STRN4: variants seen among roughly 807,000 people sequenced by gnomAD.
STRN4 encodes striatin-4.
A neutral mutation model predicts 77.9 loss-of-function variants in STRN4; 27 were observed. The ratio of observed to expected loss-of-function variants is 0.35; its 90% CI spans 0.26 to 0.48. The LOEUF is 0.48. Among genes scored for constraint, STRN4 ranks in the 20% least tolerant of loss-of-function variants. The probability of loss-of-function intolerance (pLI) is 0.99; values close to 1 mark genes in which losing one functional copy is unlikely to be tolerated. For synonymous variants in STRN4, 466 were observed against 443.1 expected, an observed-to-expected ratio of 1.05 and a Z score of -0.65; for missense variants, 798 against 1,049.7, an observed-to-expected ratio of 0.76 and a Z score of 3.31.
At position 46,734,758 on chromosome 19, in the gene STRN4, G is replaced by A. The variant is rs531240906; in HGVS notation, c.540-1522C>T. Among the ~76,000 whole-genome samples the A allele has an allele frequency of 1.8e-4, 27 of 152,174 alleles. No individual in the cohort carries two copies. In the South Asian group the frequency reaches 3.9e-3, roughly 22 times the overall value. Reference sequence around the variant, plus strand: ...CGGCTCACTGCAAGCTCCGTCTCCCGGGTTCACGCCATTCTCCTGCCTCAG... The same window carrying A: ...CGGCTCACTGCAAGCTCCGTCTCCCAGGTTCACGCCATTCTCCTGCCTCAG... On this transcript the variant is annotated intron_variant, in intron 4 of 17. Coordinates refer to ENST00000263280, the MANE Select transcript of STRN4 (RefSeq NM_013403.3).
chr19:46,724,949 G>C lies in STRN4; in HGVS notation c.1473-21C>G, dbSNP rs377432457. ...GGCCCCTGGAAGGGACAAATATGTG[G>C]AAAGGGGGATGAGACAAGCTCAGGG... On this transcript the variant is annotated intron_variant, in intron 11 of 17. Transcript: ENST00000263280. The C allele has an allele frequency of 5.0e-6, 8 of 1,613,506 alleles. No homozygotes were observed. In the African/African-American group the frequency reaches 6.7e-5, roughly 13 times the overall value.
chr19:46,721,025 T>C (rs1444476981), intron 16 of STRN4: 3 of 386,066 alleles, frequency 7.8e-6, no homozygotes, highest in African/African-American at 2.1e-5. Context: ...GCAGGGGCAG[T>C]GAACAAAACA....
At position 46,733,396 on chromosome 19, in the gene STRN4, C is replaced by A. The variant is rs528420431; in HGVS notation, c.540-160G>T. On this transcript the variant is annotated intron_variant, in intron 4 of 17. Transcript: ENST00000263280. This position sits in a 1 kb window ranked among gnomAD's most constrained non-coding sequence, Gnocchi z 4.3. ...TCGCTCCAGCAGTTCCCCGTCAAGG[C>A]TATTTCCAGTGGAAGCCCTTGTACA... 68 of 665,898 alleles carry A rather than the reference C, an allele frequency of 1.0e-4. 3 individuals are homozygous for A. Among genetic ancestry groups the A allele is most frequent in the South Asian group, 6.0e-4 (33 of 55,314 alleles). 41.2% of individuals were successfully genotyped at this position (665,898 alleles called of 1,614,324 possible). A position where few individuals can be genotyped will look rare whatever the true frequency, so the allele number is the denominator to read the frequency against.
At chr19:46,740,734 AGAG>A (rs1053654550) in intron 1 of STRN4, among the ~76,000 whole-genome samples, 1 of 152,154 alleles carries the variant, frequency 6.6e-6, no homozygotes, top group Non-Finnish European at 1.5e-5. Context: ...GGGGAATAAC[AGAG>A]GAGCCATGTG....
chr19:46,746,038 C>CA (rs1568409985), intron 1 of STRN4, 111 bp downstream of exon 1: 2 of 1,198,422 alleles, frequency 1.7e-6, no homozygotes, highest in Admixed American at 4.5e-5. Context: ...CCCGCCCCCC[C>CA]GCCGGCCGTC....
At chr19:46,728,999 T>G in intron 6 of STRN4, 4 of 540,254 alleles carry the variant, frequency 7.4e-6, no homozygotes, top group Non-Finnish European at 9.8e-6. Context: ...GTCCTTCCCC[T>G]AGCCAGGGCT....
chr19:46,734,806 A>C (rs1356979596), intron 4 of STRN4, among the ~76,000 whole-genome samples: 1 of 152,032 alleles, frequency 6.6e-6, no homozygotes. Context: ...CTGGGACTAC[A>C]GGCACCCGCC....
rs745746885 is a variant in STRN4 at position 46,724,920 on chromosome 19, A to G, written c.1481T>C (p.Val494Ala). Reference protein sequence around the residue: ...IHAFRAHRGPVLAVAMGSNSE... With the variant: ...IHAFRAHRGPALAVAMGSNSE... The stretch of plus-strand genomic sequence containing the variant: ...GTTGCTGCCCATAGCCACAGCCAAC[A>G]CTGGGCCCCTGGAAGGGACAAATAT... Residue 494 changes from valine (V) to alanine (A), a missense_variant, in exon 12 of 18, where the codon GTG (valine) becomes GCG (alanine). Physicochemically the swap from Val to Ala is moderately conservative, Grantham distance 64. Coordinates refer to ENST00000263280, the MANE Select transcript of STRN4 (RefSeq NM_013403.3). 2 of 1,614,000 alleles carry G rather than the reference A, an allele frequency of 1.2e-6. No individual in the cohort carries two copies. The highest frequency in any genetic ancestry group is 1.7e-6 in the Non-Finnish European group (2 of 1,180,030).
intron 4 of STRN4, 61 bp downstream of exon 4, chr19:46,736,762 G>C: frequency 6.5e-7 from 1 of 1,538,788 alleles, no homozygotes; most frequent in Non-Finnish European, 9.0e-7. Context: ...GGAGTCTTTG[G>C]ACTTATCTCT....
intron 4 of STRN4, among the ~76,000 whole-genome samples, chr19:46,735,821 A>G (rs1031163872): frequency 8.6e-5 from 13 of 150,686 alleles, no homozygotes; most frequent in Admixed American, 3.3e-4. Flanking sequence ...AAAATTAGCT[A>G]GGCATGGTGG....
rs1275361091 is a variant in STRN4, at chr19:46,738,068, G to C, written c.460+96C>G. 7.8e-7 allele frequency: 1 copy of C among 1,288,264 alleles called. No individual in the cohort carries two copies. Among genetic ancestry groups the C allele is most frequent in the Non-Finnish European group, 1.1e-6 (1 of 884,134 alleles). The allele number at this position is 1,288,264 out of a possible 1,614,324, so 79.8% of individuals were successfully genotyped here. On this transcript the variant is annotated intron_variant, in intron 3 of 17. Coordinates refer to ENST00000263280, the MANE Select transcript of STRN4 (RefSeq NM_013403.3). The surrounding 1 kb of genome is among the most constrained non-coding windows in gnomAD (Gnocchi z 4.5). Reference sequence around the variant, plus strand: ...CGGGGCCGATTCTGCCTTCTAAGGAGCAAAGTGAGAAAGAGGCACCCCATC... The same window carrying C: ...CGGGGCCGATTCTGCCTTCTAAGGACCAAAGTGAGAAAGAGGCACCCCATC...
chr19:46,736,788 A>G, intron 4 of STRN4, 35 bp downstream of exon 4: 2 of 1,604,620 alleles, frequency 1.2e-6, no homozygotes, highest in Non-Finnish European at 1.7e-6. Context: ...CAAACGTGTC[A>G]CGTGTCCCCA....
At chr19:46,739,293 C>T (rs2054431230) in intron 1 of STRN4, 2 of 229,700 alleles carry the variant, frequency 8.7e-6, no homozygotes, top group South Asian at 6.4e-5. Context: ...GTGGAGGTGG[C>T]GTCCCACTAT....
rs544389399 is a variant in STRN4, at chr19:46,733,184, G to A, written c.592C>T (p.Arg198Cys). 5.6e-6 allele frequency: 9 copies of A among 1,611,252 alleles called. No individual in the cohort carries two copies. The highest frequency in any genetic ancestry group is 3.3e-5 in the Admixed American group (2 of 60,022). ...TDTILDMRSK[R>C]VRSLLGRSLE... is the part of the protein sequence containing the mutation. ...GAGCGGCCCAGCAGGGAACGGACGCGCTTGGACCGCATGTCGAGGATGGTG... is the reference window on the plus strand; with the variant it reads ...GAGCGGCCCAGCAGGGAACGGACGCACTTGGACCGCATGTCGAGGATGGTG... The change falls in exon 5 of 18, where the codon CGC (arginine) becomes TGC (cysteine). Residue 198 changes from arginine (R) to cysteine (C), a missense_variant. Arg to Cys is a radical substitution (Grantham distance 180). Coordinates refer to ENST00000263280, the MANE Select transcript of STRN4 (RefSeq NM_013403.3). This position sits in a 1 kb window ranked among gnomAD's most constrained non-coding sequence, Gnocchi z 4.3.
intron 16 of STRN4, 152 bp from the exon 17 acceptor site, chr19:46,720,923 G>T: frequency 1.2e-6 from 1 of 845,680 alleles, no homozygotes; most frequent in Non-Finnish European, 1.7e-6. Context: ...CCTGTGGCCC[G>T]CCCAAAGGAG....
intron 6 of STRN4, among the ~76,000 whole-genome samples, chr19:46,730,246 G>A (rs547354945): frequency 6.6e-6 from 1 of 152,306 alleles, no homozygotes; most frequent in South Asian, 2.1e-4. Context: ...CCACACTGGG[G>A]ATACTGGAGA....
chr19:46,726,966 C>T (rs1423971131), intron 9 of STRN4, among the ~76,000 whole-genome samples: 2 of 152,170 alleles, frequency 1.3e-5, no homozygotes, highest in Non-Finnish European at 2.9e-5. Context: ...CAGCAGTCCC[C>T]ACCCAGCCTT....
chr19:46,740,817 C>T (rs2054460232), intron 1 of STRN4, among the ~76,000 whole-genome samples: 1 of 152,096 alleles, frequency 6.6e-6, no homozygotes, highest in Non-Finnish European at 1.5e-5. Context: ...TGCAATGTGA[C>T]TAGGACCCCA....
chr19:46,746,256 C>T lies in STRN4; in HGVS notation c.175G>A (p.Gly59Ser). 1 of 1,494,694 alleles carries T rather than the reference C, an allele frequency of 6.7e-7. No individual in the cohort carries two copies. 92.6% of individuals were successfully genotyped at this position (1,494,694 alleles called of 1,614,324 possible). A position where few individuals can be genotyped will look rare whatever the true frequency, so the allele number is the denominator to read the frequency against. ...GGGGSPGPTA[G>S]PEPLSLPGIL... is the part of the protein sequence containing the mutation. Reference sequence around the variant, plus strand: ...CCCGGCAGGCTCAGGGGCTCCGGGCCCGCCGTGGGCCCGGGGCTGCCTCCG... The same window carrying T: ...CCCGGCAGGCTCAGGGGCTCCGGGCTCGCCGTGGGCCCGGGGCTGCCTCCG... The change falls in exon 1 of 18, where the codon GGC becomes AGC. Residue 59 changes from glycine to serine, a missense_variant. This residue lies in a region of STRN4 where 511 missense variants were observed against 575.9 expected (regional missense o/e 0.89). Coordinates refer to ENST00000263280, the MANE Select transcript of STRN4 (RefSeq NM_013403.3).
Sources: allele counts gnomAD v4.1 joint callset (sites outside exome capture counted in the v4.1 genomes callset), GRCh38; gene constraint gnomAD v4.1.1; regional missense constraint gnomAD v4.1.1; non-coding constraint Gnocchi (gnomAD v3.1); transcripts MANE v1.5; gene names NCBI Gene and HGNC (gene_info 2026-07-23, HGNC 2026-07-21).